The following UQCC5 variants were observed in gnomAD, a reference collection of about 807,000 sequenced individuals.
UQCC5 encodes the protein UPF0640 protein C3orf78.
the UQCC5 span, chr3:52,536,960 G>A: frequency 6.5e-7 from 1 of 1,545,892 alleles, no homozygotes; most frequent in Non-Finnish European, 8.7e-7. Context: ...CGAGGCGGTA[G>A]GGATCCGTTT....
the UQCC5 span, chr3:52,540,562 A>C: frequency 9.4e-7 from 1 of 1,066,532 alleles, no homozygotes; most frequent in Non-Finnish European, 1.3e-6. Context: ...TATACTTTTC[A>C]GATCTCTTGT....
At chr3:52,540,671 C>T in the UQCC5 span, 1 of 489,736 alleles carries the variant, frequency 2.0e-6, no homozygotes, top group Non-Finnish European at 3.5e-6. Flanking sequence ...CTTCCCAAGT[C>T]ACTGCTGGAC....
chr3:52,537,053 G>A, the UQCC5 span: 2 of 1,146,768 alleles, frequency 1.7e-6, no homozygotes. Flanking sequence ...TTGGCAGTCA[G>A]GGCGGCCTGG....
chr3:52,540,434 C>T, the UQCC5 span: 3 of 1,526,454 alleles, frequency 2.0e-6, no homozygotes, highest in African/African-American at 4.2e-5. Flanking sequence ...ATGATGTCTA[C>T]CGTAGAAAAG....
At chr3:52,537,688 G>A in the UQCC5 span, among the ~76,000 whole-genome samples, 1 of 152,174 alleles carries the variant, frequency 6.6e-6, no homozygotes, top group Non-Finnish European at 1.5e-5. Context: ...TAATGGGAAA[G>A]AAGATGATAA....
chr3:52,539,637 GATTTT>G, the UQCC5 span, among the ~76,000 whole-genome samples: 1 of 126,200 alleles, frequency 7.9e-6, no homozygotes, highest in African/African-American at 3.2e-5. Flanking sequence ...GAAGGAAGAA[GATTTT>G]TTTTTTTTTT....
chr3:52,536,997 A>C, the UQCC5 span: 3 of 1,489,630 alleles, frequency 2.0e-6, no homozygotes, highest in Non-Finnish European at 2.7e-6. Flanking sequence ...CAGATTGCAG[A>C]CCGCGCATTC....
the UQCC5 span, among the ~76,000 whole-genome samples, chr3:52,539,814 T>G: frequency 1.3e-5 from 2 of 152,100 alleles, no homozygotes; most frequent in African/African-American, 4.8e-5. Flanking sequence ...AATTTTTGTA[T>G]TTTTAGTAGT....
chr3:52,541,334 A>C, the UQCC5 span: 1 of 152,228 alleles, frequency 6.6e-6, no homozygotes, highest in African/African-American at 2.4e-5. Flanking sequence ...AAGCAAAAAA[A>C]AATCTACATA....
chr3:52,538,068 G>C, the UQCC5 span, among the ~76,000 whole-genome samples: 1 of 152,256 alleles, frequency 6.6e-6, no homozygotes, highest in African/African-American at 2.4e-5. Flanking sequence ...AACATGTGGA[G>C]AATGGCTCCT....
the UQCC5 span, chr3:52,536,808 A>G: frequency 1.2e-5 from 19 of 1,551,668 alleles, no homozygotes; most frequent in Non-Finnish European, 1.7e-5. Context: ...CCCGGGAAGC[A>G]GCGATTTGGC....
the UQCC5 span, chr3:52,541,497 T>G: frequency 1.3e-5 from 2 of 152,244 alleles, no homozygotes; most frequent in Non-Finnish European, 2.9e-5. Context: ...CCACTTATCT[T>G]AGAACCAATT....
At chr3:52,540,862 A>G in the UQCC5 span, 6 of 163,960 alleles carry the variant, frequency 3.7e-5, no homozygotes, top group African/African-American at 1.2e-4. Context: ...GCAGAATTCA[A>G]ATTAAATTAT....
the UQCC5 span, among the ~76,000 whole-genome samples, chr3:52,538,780 G>C: frequency 6.6e-6 from 1 of 152,096 alleles, no homozygotes; most frequent in African/African-American, 2.4e-5. Flanking sequence ...ACATTTTAAG[G>C]GTAACTGAGA....
chr3:52,541,668 C>A, the UQCC5 span: 1 of 152,222 alleles, frequency 6.6e-6, no homozygotes, highest in Middle Eastern at 3.4e-3. Flanking sequence ...TATTCTCATG[C>A]CCAGTTGTGT....
chr3:52,537,018 G>T, the UQCC5 span: 1 of 1,408,284 alleles, frequency 7.1e-7, no homozygotes, highest in Non-Finnish European at 9.7e-7. Flanking sequence ...CACTCAGAGC[G>T]CTGGGCGAGT....
chr3:52,540,699 T>C, the UQCC5 span: 1 of 442,052 alleles, frequency 2.3e-6, no homozygotes, highest in East Asian at 3.8e-5. Flanking sequence ...GTGGGAAAAT[T>C]ATTTCCTCCT....
the UQCC5 span, chr3:52,541,773 A>G: frequency 6.6e-6 from 1 of 152,208 alleles, no homozygotes; most frequent in East Asian, 1.9e-4. Context: ...TTATATGGCC[A>G]TACTCCATGT....
chr3:52,538,645 G>T, the UQCC5 span, among the ~76,000 whole-genome samples: 1 of 152,214 alleles, frequency 6.6e-6, no homozygotes, highest in Admixed American at 6.5e-5. Context: ...ATTTTTAGTA[G>T]ACATGGGGTG....
Sources: allele counts gnomAD v4.1 joint callset (sites outside exome capture counted in the v4.1 genomes callset), GRCh38; gene constraint gnomAD v4.1.1; transcripts MANE v1.5; gene names NCBI Gene and HGNC (gene_info 2026-07-23, HGNC 2026-07-21).